The following ZNF710 variants were observed in gnomAD, a reference collection of about 807,000 sequenced individuals.
ZNF710 encodes the protein zinc finger protein 710.
ZNF710 carries 13 observed loss-of-function variants against 50.6 expected under a neutral mutation model. That is an observed-to-expected ratio of 0.26 (90% CI 0.17 to 0.41). ZNF710 has a LOEUF of 0.41. ZNF710 is among the 10% of genes least tolerant of loss of function. The probability of loss-of-function intolerance (pLI) is 1.00; values close to 1 mark genes in which losing one functional copy is unlikely to be tolerated. For missense variants in ZNF710, 721 were observed against 936.6 expected, an observed-to-expected ratio of 0.77 and a Z score of 3.01; for synonymous variants, 383 against 397.0, an observed-to-expected ratio of 0.96 and a Z score of 0.42.
In ZNF710 at chr15:90,080,712, A is replaced by G. The variant is rs989469820; in HGVS notation, c.*883A>G. 3 of 152,262 alleles carry G rather than the reference A, an allele frequency of 2.0e-5. No individual in the cohort carries two copies. The highest frequency in any genetic ancestry group is 6.5e-5 in the Admixed American group (1 of 15,282). The allele number at this position is 152,262 out of a possible 1,614,324, so 9.4% of individuals were successfully genotyped here. On this transcript the variant is annotated 3_prime_UTR_variant, in exon 5 of 5. Coordinates refer to ENST00000268154, the MANE Select transcript of ZNF710 (RefSeq NM_198526.4). ...ACCACCTGTCGGGGAGGGGGACCGC[A>G]GTCATTTCTCATTCCTCAGTGTCCA...
At chr15:90,008,443 T>TATATATATATAC (rs1567218418) in intron 1 of ZNF710, among the ~76,000 whole-genome samples, 9 of 140,508 alleles carry the variant, frequency 6.4e-5, no homozygotes, top group African/African-American at 2.3e-4. Context: ...TATATATACA[T>TATATATATATAC]ATATATATAT....
At chr15:90,029,805 G>A (rs574058431) in intron 1 of ZNF710, among the ~76,000 whole-genome samples, 4 of 151,690 alleles carry the variant, frequency 2.6e-5, no homozygotes, top group Middle Eastern at 3.4e-3. Flanking sequence ...AGTAGAGATG[G>A]GGTTTCACCA....
chr15:90,074,724 A>G, intron 4 of ZNF710: 1 of 355,234 alleles, frequency 2.8e-6, no homozygotes, highest in Non-Finnish European at 5.3e-6. Context: ...TAATATTTCA[A>G]ATAAGTGTAT....
At chr15:90,064,644 C>T (rs1900112032) in intron 1 of ZNF710, among the ~76,000 whole-genome samples, 1 of 152,256 alleles carries the variant, frequency 6.6e-6, no homozygotes, top group Middle Eastern at 3.4e-3. Flanking sequence ...CCCACCACCA[C>T]GCCCGGCTAA....
chr15:90,041,892 AT>A (rs71151548), intron 1 of ZNF710, among the ~76,000 whole-genome samples: 5,076 of 110,514 alleles, frequency 0.046, 69 homozygotes, highest in Non-Finnish European at 0.056. Context: ...TTTGTTTTTG[AT>A]TTTTTTTTTT....
intron 1 of ZNF710, among the ~76,000 whole-genome samples, chr15:90,008,441 C>CATATATATATACATATAT (rs1898202334): frequency 4.7e-5 from 6 of 126,512 alleles, no homozygotes; most frequent in African/African-American, 2.3e-4. Flanking sequence ...TATATATATA[C>CATATATATATACATATAT]ATATATATAT....
At chr15:90,008,486 T>C (rs1206619822) in intron 1 of ZNF710, among the ~76,000 whole-genome samples, 1 of 131,462 alleles carries the variant, frequency 7.6e-6, no homozygotes, top group Non-Finnish European at 1.6e-5. Flanking sequence ...AAAGAACTAT[T>C]AGAAGTGGGT....
At chr15:90,047,738 C>T (rs891627295) in intron 1 of ZNF710, among the ~76,000 whole-genome samples, 3 of 151,894 alleles carry the variant, frequency 2.0e-5, no homozygotes, top group Non-Finnish European at 4.4e-5. Flanking sequence ...CATGCACCAC[C>T]GCACCGGGCT....
chr15:90,054,035 T>G (rs1899730315), intron 1 of ZNF710, among the ~76,000 whole-genome samples: 1 of 152,204 alleles, frequency 6.6e-6, no homozygotes, highest in African/African-American at 2.4e-5. Flanking sequence ...CCTTTCTTCC[T>G]TCTTTTCTTT....
chr15:90,079,356 C>T (rs923168984), intron 4 of ZNF710, among the ~76,000 whole-genome samples: 4 of 152,182 alleles, frequency 2.6e-5, no homozygotes, highest in Non-Finnish European at 4.4e-5. Flanking sequence ...GTGACTTTGA[C>T]GGGTCAATGG....
upstream of ZNF710, among the ~76,000 whole-genome samples, chr15:89,999,358 G>A (rs1699490): frequency 0.92 from 140,628 of 152,328 alleles, 65,116 homozygotes; most frequent in East Asian, 1. Flanking sequence ...TCGCCGGCAC[G>A]GGGTAGGTAC....
At chr15:90,044,234 T>G (rs1055594570) in intron 1 of ZNF710, among the ~76,000 whole-genome samples, 6 of 152,188 alleles carry the variant, frequency 3.9e-5, no homozygotes, top group African/African-American at 1.4e-4. Flanking sequence ...AGGCGTGAGG[T>G]GGGACTGGCA....
chr15:90,039,803 G>T (rs1461766006), intron 1 of ZNF710, among the ~76,000 whole-genome samples: 5 of 152,172 alleles, frequency 3.3e-5, no homozygotes. Flanking sequence ...TGGGAAACTG[G>T]ATAACCGTGC....
chr15:90,029,654 C>T lies in ZNF710; in HGVS notation c.-29+28040C>T, dbSNP rs1166054498. Among the ~76,000 whole-genome samples, 5 of 152,202 alleles carry T rather than the reference C, an allele frequency of 3.3e-5. No homozygotes were observed. In the South Asian group the frequency reaches 6.2e-4, roughly 19 times the overall value. On this transcript the variant is annotated intron_variant, in intron 1 of 4. Coordinates refer to ENST00000268154, the MANE Select transcript of ZNF710 (RefSeq NM_198526.4). Reference sequence around the variant, plus strand: ...TTTTGAGACAGAGTCTCAACTCTGTCGTCTAGGCTGGAGTGCAGTGGTTTG... The same window carrying T: ...TTTTGAGACAGAGTCTCAACTCTGTTGTCTAGGCTGGAGTGCAGTGGTTTG...
chr15:90,022,142 C>T (rs547766253), intron 1 of ZNF710, among the ~76,000 whole-genome samples: 2 of 151,966 alleles, frequency 1.3e-5, no homozygotes, highest in African/African-American at 4.8e-5. Context: ...CTTTGGGTGG[C>T]CGAGGCGAGC....
At chr15:90,007,253 C>T (rs1898162905) in intron 1 of ZNF710, among the ~76,000 whole-genome samples, 1 of 152,098 alleles carries the variant, frequency 6.6e-6, no homozygotes, top group Non-Finnish European at 1.5e-5. Flanking sequence ...CTGCCAAAAG[C>T]GGAACCTAAA....
chr15:90,051,118 A>AAG (rs953741471), intron 1 of ZNF710, among the ~76,000 whole-genome samples: 1 of 152,036 alleles, frequency 6.6e-6, no homozygotes, highest in Non-Finnish European at 1.5e-5. Context: ...ACATGCCTGT[A>AAG]GTCCCAGCTA....
At chr15:90,075,222 G>A (rs1281709267) in intron 4 of ZNF710, 2 of 152,358 alleles carry the variant, frequency 1.3e-5, no homozygotes, top group African/African-American at 4.8e-5. Flanking sequence ...ACAGTTGGGA[G>A]CTATTTCTGG....
intron 1 of ZNF710, among the ~76,000 whole-genome samples, chr15:90,054,876 A>G (rs1404688227): frequency 6.6e-6 from 1 of 152,188 alleles, no homozygotes; most frequent in Non-Finnish European, 1.5e-5. Context: ...CGGAACAGGA[A>G]CTGGCCATAA....
Sources: allele counts gnomAD v4.1 joint callset (sites outside exome capture counted in the v4.1 genomes callset), GRCh38; gene constraint gnomAD v4.1.1; transcripts MANE v1.5; gene names NCBI Gene and HGNC (gene_info 2026-07-23, HGNC 2026-07-21).